Variants in NDC1 observed in about 807,000 individuals in gnomAD.
NDC1 encodes the protein nucleoporin NDC1.
In NDC1, 24 loss-of-function variants were observed where a neutral mutation model predicts 89.8. That is an observed-to-expected ratio of 0.27 (90% confidence interval 0.19 to 0.38). The LOEUF (loss-of-function observed/expected upper bound fraction) is 0.38, where lower values mean the gene tolerates loss of function less well. NDC1 is among the 10% of genes least tolerant of loss of function. The pLI is 1.00. For missense variants in NDC1, 728 were observed against 797.6 expected, an observed-to-expected ratio of 0.91 and a Z score of 1.05; for synonymous variants, 296 against 284.8, an observed-to-expected ratio of 1.04 and a Z score of -0.39.
At chr1:53,813,262 G>A (rs886507111) in intron 6 of NDC1, among the ~76,000 whole-genome samples, 7 of 152,134 alleles carry the variant, frequency 4.6e-5, no homozygotes, top group African/African-American at 9.7e-5. Context: ...TGGTGAATTC[G>A]ATGGTACCTA....
At chr1:53,788,949 T>A (rs973071779) in intron 15 of NDC1, among the ~76,000 whole-genome samples, 184 bp downstream of exon 15, 1 of 148,804 alleles carries the variant, frequency 6.7e-6, no homozygotes, top group Admixed American at 6.7e-5. Flanking sequence ...CAAGAAAAAA[T>A]TGTGCCCAAA....
chr1:53,800,258 A>G (rs1437750157), intron 11 of NDC1, among the ~76,000 whole-genome samples: 1 of 150,216 alleles, frequency 6.7e-6, no homozygotes. Flanking sequence ...ATAAGATGCT[A>G]TATGTTGGAT....
intron 16 of NDC1, among the ~76,000 whole-genome samples, chr1:53,781,571 T>C (rs1032576310): frequency 2.6e-5 from 4 of 152,320 alleles, no homozygotes; most frequent in Non-Finnish European, 5.9e-5. Context: ...TTGCCTTTAA[T>C]GATTCAGTGA....
chr1:53,797,143 T>C lies in NDC1; in HGVS notation c.1224A>G (p.Glu408=). The change falls in exon 12 of 18, where the codon GAA becomes GAG. Residue 408 remains glutamate (E), a splice_region_variant and synonymous_variant. Transcript: ENST00000371429. ...PVEPKKLNSP[E]ETAFQTPKSS... Reference sequence around the variant, plus strand: ...ATTTTGGTGTCTGAAAAGCAGTTTCTTCTGTAAAACAACAGATCCAGTGCT... The same window carrying C: ...ATTTTGGTGTCTGAAAAGCAGTTTCCTCTGTAAAACAACAGATCCAGTGCT... 6.2e-7 allele frequency: 1 copy of C among 1,613,766 alleles called. No homozygotes were observed. The highest frequency in any genetic ancestry group is 8.5e-7 in the Non-Finnish European group (1 of 1,179,708).
Position 53,768,042 on chromosome 1 carries a change from A to G in NDC1, c.1962-9T>C. The G allele has an allele frequency of 6.3e-7, 1 of 1,588,728 alleles. No individual in the cohort carries two copies. Among genetic ancestry groups the G allele is most frequent in the Non-Finnish European group, 8.6e-7 (1 of 1,166,232 alleles). On this transcript the variant is annotated splice_polypyrimidine_tract_variant and intron_variant, in intron 17 of 17. Transcript: ENST00000371429. ...CAGATGCTTGCACAGCACTAAATGA[A>G]ACATAAATTCAAAGCATAAGCTTTA...
chr1:53,801,626 T>TC (rs1042139497), intron 10 of NDC1, among the ~76,000 whole-genome samples: 1 of 151,578 alleles, frequency 6.6e-6, no homozygotes. Context: ...CCTTAAACAC[T>TC]CCCCCCATTG....
At chr1:53,774,502 G>C (rs1248846956) in intron 16 of NDC1, among the ~76,000 whole-genome samples, 1 of 152,080 alleles carries the variant, frequency 6.6e-6, no homozygotes, top group Non-Finnish European at 1.5e-5. Flanking sequence ...ATTAATGCCT[G>C]GGTCCTATGA....
chr1:53,779,358 T>C (rs1570160872), intron 16 of NDC1, among the ~76,000 whole-genome samples: 1 of 151,800 alleles, frequency 6.6e-6, no homozygotes, highest in South Asian at 2.1e-4. Flanking sequence ...TTCTATAACA[T>C]ACTTTTTTTT....
intron 16 of NDC1, among the ~76,000 whole-genome samples, chr1:53,779,556 G>C (rs1340058098): frequency 1.3e-5 from 2 of 152,036 alleles, no homozygotes; most frequent in Non-Finnish European, 2.9e-5. Context: ...TCGTGAAAAA[G>C]GAGGTTAAGA....
chr1:53,800,515 CAG>C (rs71063885), intron 11 of NDC1, among the ~76,000 whole-genome samples, 176 bp downstream of exon 11: 4,390 of 152,108 alleles, frequency 0.029, 96 homozygotes, highest in Middle Eastern at 0.044. Context: ...TTAGTAGAGA[CAG>C]AGTTTCACCA....
chr1:53,807,354 TTAG>T (rs1648147004), intron 8 of NDC1, among the ~76,000 whole-genome samples: 2 of 152,050 alleles, frequency 1.3e-5, no homozygotes, highest in African/African-American at 4.8e-5. Context: ...TCAAGTCCAT[TTAG>T]TATGTACTCA....
At chr1:53,802,915 G>T (rs77337638) in intron 10 of NDC1, among the ~76,000 whole-genome samples, 1 of 152,002 alleles carries the variant, frequency 6.6e-6, no homozygotes, top group Non-Finnish European at 1.5e-5. Context: ...GCAGAAGGAG[G>T]AGTCCTGTAC....
chr1:53,775,423 A>AT (rs1411948785), intron 16 of NDC1, among the ~76,000 whole-genome samples: 1 of 151,454 alleles, frequency 6.6e-6, no homozygotes, highest in Non-Finnish European at 1.5e-5. Context: ...CGCCCAGCTA[A>AT]TTTTTTCGTA....
Position 53,838,291 on chromosome 1 carries a change from CAGG to C in NDC1, c.-33_-31del. 6.6e-7 allele frequency: 1 copy of C among 1,516,874 alleles called. No homozygotes were observed. 94.0% of individuals were successfully genotyped at this position (1,516,874 alleles called of 1,614,324 possible). ...ATGGCGGCCCCTAGTCTAGGGCGTA[CAGG>C]AGACCGTGCGCCCGCCCGCCACCGC... On this transcript the variant is annotated 5_prime_UTR_variant, in exon 1 of 18. Transcript: ENST00000371429.
chr1:53,805,796 C>T lies in NDC1; in HGVS notation c.984+629G>A, dbSNP rs144846449. Among the ~76,000 whole-genome samples the T allele has an allele frequency of 1.2e-4, 18 of 152,118 alleles. No individual in the cohort carries two copies. The East Asian group carries it at 3.1e-3, about 26-fold the overall frequency. On this transcript the variant is annotated intron_variant, in intron 9 of 17. Coordinates refer to ENST00000371429, the MANE Select transcript of NDC1 (RefSeq NM_018087.5). ...TGATTAAAAAATCAATAATATTGGC[C>T]GGGCGCGGTGGCTCACGCCTGTAAT...
Position 53,819,088 on chromosome 1 carries a change from A to C in NDC1, c.595-9T>G. 2.8e-6 allele frequency: 3 copies of C among 1,083,862 alleles called. No individual in the cohort carries two copies. Among genetic ancestry groups the C allele is most frequent in the Non-Finnish European group, 3.9e-6 (3 of 759,792 alleles). 67.1% of individuals were successfully genotyped at this position (1,083,862 alleles called of 1,614,324 possible). On this transcript the variant is annotated splice_polypyrimidine_tract_variant and intron_variant, in intron 5 of 17. Transcript: ENST00000371429. ...CGCAAGAACTTGTATTGCTGTGGGG[A>C]AAAAAAAAAGAATCAAATGACACAT...
intron 11 of NDC1, among the ~76,000 whole-genome samples, chr1:53,800,096 T>C (rs1647853252): frequency 6.6e-6 from 1 of 152,174 alleles, no homozygotes; most frequent in Admixed American, 6.5e-5. Flanking sequence ...AGCCATCATT[T>C]TGGTAGTGTT....
At chr1:53,831,974 T>C (rs565574353) in intron 3 of NDC1, among the ~76,000 whole-genome samples, 1 of 152,308 alleles carries the variant, frequency 6.6e-6, no homozygotes, top group East Asian at 1.9e-4. Flanking sequence ...CTTTTCATAA[T>C]GTATCTGCTA....
intron 15 of NDC1, 129 bp downstream of exon 15, chr1:53,789,004 C>A (rs1647398531): frequency 6.3e-6 from 4 of 639,296 alleles, no homozygotes; most frequent in African/African-American, 1.9e-5. Flanking sequence ...CTATATAAAA[C>A]AAAGATATAA....
Sources: allele counts gnomAD v4.1 joint callset (sites outside exome capture counted in the v4.1 genomes callset), GRCh38; gene constraint gnomAD v4.1.1; transcripts MANE v1.5; gene names NCBI Gene and HGNC (gene_info 2026-07-23, HGNC 2026-07-21).